Variants in SRPRB observed in about 807,000 individuals in gnomAD.
SRPRB encodes SRP receptor subunit beta, also known as signal recognition particle receptor subunit beta.
In SRPRB, 20 loss-of-function variants were observed where a neutral mutation model predicts 31.9. The ratio of observed to expected loss-of-function variants is 0.63; its 90% CI spans 0.44 to 0.91. The LOEUF (loss-of-function observed/expected upper bound fraction) is 0.91, where lower values mean the gene tolerates loss of function less well. Ranked by LOEUF, SRPRB falls within the 40% of genes least tolerant of loss-of-function variation. The pLI, the probability that SRPRB is intolerant of heterozygous loss-of-function variation, is 0.00. For missense variants in SRPRB, 321 were observed against 324.9 expected, an observed-to-expected ratio of 0.99 and a Z score of 0.09; for synonymous variants, 146 against 132.8, an observed-to-expected ratio of 1.10 and a Z score of -0.68.
chr3:133,815,699 T>G lies in SRPRB; in HGVS notation c.520T>G (p.Ser174Ala). The change falls in exon 5 of 7, where the codon TCA (serine) becomes GCA (alanine). Residue 174 changes from serine to alanine, a missense_variant. Ser to Ala is a moderately conservative substitution (Grantham distance 99). Coordinates refer to ENST00000678299, the MANE Select transcript of SRPRB (RefSeq NM_001379313.1). ...IDSMGLKNTP[S>A]FLIACNKQDI... is the part of the protein sequence containing the mutation. ...CAGTATGGGTCTGAAGAATACACCATCATTCTTAATAGCCTGCAATAAGCA... is the reference window on the plus strand; with the variant it reads ...CAGTATGGGTCTGAAGAATACACCAGCATTCTTAATAGCCTGCAATAAGCA... The G allele has an allele frequency of 6.2e-7, 1 of 1,614,046 alleles. No homozygotes were observed. The highest frequency in any genetic ancestry group is 1.3e-5 in the African/African-American group (1 of 74,998).
At chr3:133,825,259 TTTA>T (rs1431556376), downstream of SRPRB, 1 of 152,188 alleles carries the variant, frequency 6.6e-6, no homozygotes, top group African/African-American at 2.4e-5. Context: ...GGGCCATCCC[TTTA>T]TTGTCACAAC....
intron 5 of SRPRB, among the ~76,000 whole-genome samples, chr3:133,816,280 C>G (rs1935365907): frequency 6.6e-6 from 1 of 152,214 alleles, no homozygotes; most frequent in Admixed American, 6.5e-5. Flanking sequence ...CAAGGCATTT[C>G]TCAGAAGTGA....
upstream of SRPRB, among the ~76,000 whole-genome samples, chr3:133,805,223 A>G (rs894310782): frequency 4.6e-5 from 7 of 152,198 alleles, no homozygotes; most frequent in African/African-American, 1.7e-4. Context: ...CTAGATTGAC[A>G]GTGTAGGGGC....
At chr3:133,823,975 T>G (rs1385405532), downstream of SRPRB, among the ~76,000 whole-genome samples, 3 of 152,144 alleles carry the variant, frequency 2.0e-5, no homozygotes, top group Non-Finnish European at 4.4e-5. Context: ...GAGGCTCCCT[T>G]CCCATCAGCC....
At chr3:133,791,781 G>C (rs1934845220) in intron 1 of SRPRB, 1 of 152,116 alleles carries the variant, frequency 6.6e-6, no homozygotes, top group Non-Finnish European at 1.5e-5. Flanking sequence ...TGGGTTTAGG[G>C]TTCAATTCCT....
downstream of SRPRB, chr3:133,826,373 G>GTT (rs554624195): frequency 4.9e-4 from 75 of 152,386 alleles, 1 homozygote; most frequent in African/African-American, 1.7e-3. Context: ...AGGGAACTGA[G>GTT]TTTCTACTGT....
At chr3:133,809,678 C>T (rs780722848) in intron 3 of SRPRB, among the ~76,000 whole-genome samples, 8 of 152,060 alleles carry the variant, frequency 5.3e-5, no homozygotes, top group Non-Finnish European at 1.0e-4. Context: ...GACTGTTGAG[C>T]ACCTAAACTA....
At position 133,819,855 on chromosome 3, in the gene SRPRB, A is replaced by C; in HGVS notation, c.*89A>C. Reference sequence around the variant, plus strand: ...AGTCTGGAGTTGATGAGGAAGGGGTACAAGATGTGGTTAGAAACATTTCTT... The same window carrying C: ...AGTCTGGAGTTGATGAGGAAGGGGTCCAAGATGTGGTTAGAAACATTTCTT... On this transcript the variant is annotated 3_prime_UTR_variant, in exon 7 of 7. Coordinates refer to ENST00000678299, the MANE Select transcript of SRPRB (RefSeq NM_001379313.1). The C allele has an allele frequency of 8.6e-7, 1 of 1,156,732 alleles. No individual in the cohort carries two copies. Among genetic ancestry groups the C allele is most frequent in the South Asian group, 1.3e-5 (1 of 74,424 alleles). 71.7% of individuals were successfully genotyped at this position (1,156,732 alleles called of 1,614,324 possible). A position where few individuals can be genotyped will look rare whatever the true frequency, so the allele number is the denominator to read the frequency against.
chr3:133,786,918 T>A (rs1934701912), intron 1 of SRPRB: 2 of 152,286 alleles, frequency 1.3e-5, no homozygotes, highest in South Asian at 4.1e-4. Flanking sequence ...CTTGTAAATA[T>A]CTTTTTGCTA....
chr3:133,812,514 C>G (rs1419752305), intron 4 of SRPRB, among the ~76,000 whole-genome samples: 2 of 152,120 alleles, frequency 1.3e-5, no homozygotes, highest in Non-Finnish European at 2.9e-5. Flanking sequence ...GAAGATAAAA[C>G]TTAGTTCAAA....
intron 4 of SRPRB, among the ~76,000 whole-genome samples, chr3:133,813,333 A>G (rs1271074272): frequency 1.3e-5 from 2 of 151,532 alleles, no homozygotes; most frequent in African/African-American, 2.4e-5. Flanking sequence ...CATTTCTCAC[A>G]CTCTGGAATT....
At chr3:133,813,343 T>C (rs913751801) in intron 4 of SRPRB, among the ~76,000 whole-genome samples, 19 of 152,222 alleles carry the variant, frequency 1.2e-4, no homozygotes, top group African/African-American at 4.6e-4. Context: ...ACTCTGGAAT[T>C]CTTATGAATG....
At chr3:133,825,213 T>G (rs1422989361), downstream of SRPRB, 1 of 152,214 alleles carries the variant, frequency 6.6e-6, no homozygotes, top group Non-Finnish European at 1.5e-5. Context: ...TGTGAAGGAA[T>G]GAGGCTGCTC....
upstream of SRPRB, among the ~76,000 whole-genome samples, chr3:133,804,156 A>C (rs1935108827): frequency 6.6e-6 from 1 of 150,658 alleles, no homozygotes; most frequent in African/African-American, 2.4e-5. Flanking sequence ...GAGTCTCACT[A>C]TGTTGCCCAG....
chr3:133,788,192 T>C (rs981744009), intron 1 of SRPRB: 1 of 152,406 alleles, frequency 6.6e-6, no homozygotes, highest in Non-Finnish European at 1.5e-5. Flanking sequence ...ACAGGACATA[T>C]ACTCTCCAAC....
At position 133,819,764 on chromosome 3, in the gene SRPRB, T is replaced by C. The variant is rs905161622; in HGVS notation, c.814T>C (p.Ter272ArgextTer58). The change falls in exon 7 of 7, where the codon TGA (stop) becomes CGA (arginine). Residue 272 changes from the stop codon to arginine (R), a stop_lost. Coordinates refer to ENST00000678299, the MANE Select transcript of SRPRB (RefSeq NM_001379313.1). ...DLEKWLAKIA[*>R] ...GGAGAAATGGCTGGCTAAAATTGCC[T>C]GAGAGGCAGCTCTAAAGCACAAGAC... The C allele has an allele frequency of 6.2e-7, 1 of 1,613,764 alleles. No individual in the cohort carries two copies. The highest frequency in any genetic ancestry group is 8.5e-7 in the Non-Finnish European group (1 of 1,179,910).
At chr3:133,811,075 G>C (rs749223127) in intron 3 of SRPRB, 42 bp from the exon 4 acceptor site, 2 of 1,592,298 alleles carry the variant, frequency 1.3e-6, no homozygotes. Flanking sequence ...TTGTGAACGT[G>C]GAACTGTATT....
chr3:133,787,200 T>C (rs936233054), intron 1 of SRPRB: 2 of 152,234 alleles, frequency 1.3e-5, no homozygotes, highest in African/African-American at 4.8e-5. Context: ...AAGTTGCCAG[T>C]GTATGACAAA....
chr3:133,801,173 GGAA>G (rs1386823303), upstream of SRPRB, among the ~76,000 whole-genome samples: 2 of 152,216 alleles, frequency 1.3e-5, no homozygotes, highest in East Asian at 3.8e-4. Context: ...GGGAGCGGAT[GGAA>G]GAAGGTGTCT....
Sources: gnomAD v4.1 joint callset for allele counts (sites outside exome capture counted in the v4.1 genomes callset) on GRCh38, gnomAD v4.1.1 for gene constraint, MANE v1.5 for transcripts, NCBI Gene and HGNC (gene_info 2026-07-23, HGNC 2026-07-21) for gene names.